Variants in CFAP299 observed in about 807,000 individuals in gnomAD.
CFAP299 encodes the protein cilia- and flagella-associated protein 299.
CFAP299 carries 21 observed loss-of-function variants against 27.0 expected under a neutral mutation model. That is an observed-to-expected ratio of 0.78 (90% CI 0.55 to 1.12). CFAP299 has a LOEUF of 1.12. Ranked by LOEUF, CFAP299 falls within the 50% of genes most tolerant of loss-of-function variation. The pLI is 0.00. For missense variants in CFAP299, 310 were observed against 276.6 expected (o/e 1.12, Z -0.86); for synonymous variants, 104 against 98.1 (o/e 1.06, Z -0.36).
chr4:80,343,799 T>A (rs1208872726), intron 1 of CFAP299, among the ~76,000 whole-genome samples: 11 of 75,362 alleles, frequency 1.5e-4, no homozygotes, highest in South Asian at 8.3e-4. Flanking sequence ...AGACTCCGTC[T>A]AAAAAAAAAA....
intron 3 of CFAP299, among the ~76,000 whole-genome samples, chr4:80,780,972 T>C (rs1726842849): frequency 6.6e-6 from 1 of 151,906 alleles, no homozygotes; most frequent in Admixed American, 6.6e-5. Context: ...AAGAAATTTA[T>C]AGAAAAATGT....
intron 3 of CFAP299, among the ~76,000 whole-genome samples, chr4:80,652,542 A>C (rs1740355974): frequency 6.6e-6 from 1 of 152,108 alleles, no homozygotes. Context: ...ATGCATTGTG[A>C]ATAGGCTTTG....
intron 2 of CFAP299, among the ~76,000 whole-genome samples, chr4:80,489,400 G>A (rs960368698): frequency 2.0e-5 from 3 of 152,054 alleles, no homozygotes; most frequent in African/African-American, 7.2e-5. Context: ...TTCCACTTAC[G>A]GCAGCATGGA....
intron 5 of CFAP299, among the ~76,000 whole-genome samples, chr4:80,959,426 T>A (rs1412229423): frequency 6.6e-6 from 1 of 152,000 alleles, no homozygotes. Context: ...CTGATAAATA[T>A]AGAAAAATCT....
At chr4:80,515,730 G>A (rs1178467702) in intron 2 of CFAP299, among the ~76,000 whole-genome samples, 1 of 152,098 alleles carries the variant, frequency 6.6e-6, no homozygotes, top group East Asian at 1.9e-4. Flanking sequence ...GTTTTTTGGA[G>A]GGTAGCCATA....
At chr4:80,386,417 C>T in intron 2 of CFAP299, 11 of 1,544,538 alleles carry the variant, frequency 7.1e-6, no homozygotes, top group Non-Finnish European at 9.6e-6. Context: ...TGTCCTTCAT[C>T]TCCTCCAGCC....
At chr4:80,443,615 C>T (rs2201531) in intron 2 of CFAP299, among the ~76,000 whole-genome samples, 97,333 of 152,038 alleles carry the variant, frequency 0.64, 33,849 homozygotes, top group Non-Finnish European at 0.76. Context: ...CTTTGAAAAC[C>T]GGCACAAGAC....
chr4:80,391,672 A>G (rs552654691), intron 2 of CFAP299, among the ~76,000 whole-genome samples: 59 of 152,294 alleles, frequency 3.9e-4, no homozygotes, highest in African/African-American at 1.4e-3. Flanking sequence ...AGTCATATAA[A>G]ATTATGGCAC....
intron 3 of CFAP299, among the ~76,000 whole-genome samples, chr4:80,847,685 A>G (rs1417821744): frequency 6.6e-6 from 1 of 152,212 alleles, no homozygotes; most frequent in Admixed American, 6.5e-5. Flanking sequence ...TGATACCTAC[A>G]TTATGGGGCT....
intron 3 of CFAP299, among the ~76,000 whole-genome samples, chr4:80,807,064 G>T (rs1728899604): frequency 6.6e-6 from 1 of 152,056 alleles, no homozygotes; most frequent in Non-Finnish European, 1.5e-5. Context: ...ATATAAAGTT[G>T]CACTAAGCAC....
intron 3 of CFAP299, among the ~76,000 whole-genome samples, chr4:80,791,765 A>T (rs1405388315): frequency 6.6e-6 from 1 of 151,980 alleles, no homozygotes. Context: ...TGAAGAAATG[A>T]TCAACATAAA....
At position 80,342,160 on chromosome 4, in the gene CFAP299, G is replaced by A. The variant is rs190512959; in HGVS notation, c.111+6281G>A. 2.6e-4 allele frequency among the ~76,000 whole-genome samples: 39 copies of A among 152,300 alleles called. 1 individual carries two copies. Among genetic ancestry groups the A allele is most frequent in the Middle Eastern group, 3.4e-3 (1 of 294 alleles). On this transcript the variant is annotated intron_variant, in intron 1 of 5. Coordinates refer to ENST00000358105, the MANE Select transcript of CFAP299 (RefSeq NM_152770.3). ...AACAAACAAAACCTGTGAGAAATAT[G>A]AGACTATGTAAAAAGACTGAACCTA... is the stretch of plus-strand genomic sequence containing the variant.
chr4:80,887,458 C>A (rs990439838), intron 4 of CFAP299, among the ~76,000 whole-genome samples: 3 of 151,260 alleles, frequency 2.0e-5, no homozygotes, highest in African/African-American at 7.3e-5. Context: ...AAAAAAAATA[C>A]CCTTGAAGAG....
rs1243218490 is a variant in CFAP299, at chr4:80,627,033, AC to A, written c.333+43851del. On this transcript the variant is annotated intron_variant, in intron 3 of 5. Coordinates refer to ENST00000358105, the MANE Select transcript of CFAP299 (RefSeq NM_152770.3). ...TACCAACAAACAAACAAACAAACAA[AC>A]AAAAAACTACAAAAAACCCTACAGA... Among the ~76,000 whole-genome samples, 6 of 151,878 alleles carry A rather than the reference AC, an allele frequency of 4.0e-5. No homozygotes were observed. In the East Asian group the frequency reaches 7.7e-4, roughly 20 times the overall value.
chr4:80,396,787 T>G (rs1232524397), intron 2 of CFAP299, among the ~76,000 whole-genome samples: 1 of 152,186 alleles, frequency 6.6e-6, no homozygotes, highest in African/African-American at 2.4e-5. Context: ...TTGCCAGTAT[T>G]TTACTGAGGA....
chr4:80,780,799 G>T (rs963969998), intron 3 of CFAP299, among the ~76,000 whole-genome samples: 3 of 151,820 alleles, frequency 2.0e-5, no homozygotes, highest in African/African-American at 7.3e-5. Flanking sequence ...TGACTGGGTA[G>T]ACAGAGTCTA....
chr4:80,667,574 T>G (rs1468447847), intron 3 of CFAP299, among the ~76,000 whole-genome samples: 1 of 152,158 alleles, frequency 6.6e-6, no homozygotes, highest in African/African-American at 2.4e-5. Context: ...TGTTCCCATA[T>G]GTGAACATGC....
chr4:80,335,982 G>C, intron 1 of CFAP299, 103 bp downstream of exon 1: 1 of 727,750 alleles, frequency 1.4e-6, no homozygotes, highest in Non-Finnish European at 2.4e-6. Context: ...GGACAGCTCA[G>C]CTGTCAGGCG....
chr4:80,644,102 G>A (rs1739862463), intron 3 of CFAP299, among the ~76,000 whole-genome samples: 1 of 152,116 alleles, frequency 6.6e-6, no homozygotes, highest in Admixed American at 6.6e-5. Context: ...ATCTATATAT[G>A]TTATACCTGA....
Sources: allele counts gnomAD v4.1 joint callset (sites outside exome capture counted in the v4.1 genomes callset), GRCh38; gene constraint gnomAD v4.1.1; transcripts MANE v1.5; gene names NCBI Gene and HGNC (gene_info 2026-07-23, HGNC 2026-07-21).